RIT2: variants seen among roughly 807,000 people sequenced by gnomAD.
RIT2 encodes Ras like without CAAX 2.
Under a neutral mutation model 23.7 loss-of-function variants are expected in RIT2, and 24 were observed. The observed-to-expected ratio is 1.01, with a 90% CI of 0.73 to 1.43. RIT2 has a LOEUF of 1.43. Among genes scored for constraint, RIT2 ranks in the 40% most tolerant of loss-of-function variants. The pLI, the probability that RIT2 is intolerant of heterozygous loss-of-function variation, is 0.00. For synonymous variants in RIT2, 107 were observed against 91.1 expected, an observed-to-expected ratio of 1.17 and a Z score of -0.99; for missense variants, 236 against 266.9, an observed-to-expected ratio of 0.88 and a Z score of 0.81.
At chr18:42,767,172 C>T (rs1913443335) in intron 4 of RIT2, among the ~76,000 whole-genome samples, 1 of 152,156 alleles carries the variant, frequency 6.6e-6, no homozygotes, top group Non-Finnish European at 1.5e-5. Flanking sequence ...ATGGTATATC[C>T]ACCAACATCT....
At chr18:42,980,224 G>C (rs1181460585) in intron 2 of RIT2, among the ~76,000 whole-genome samples, 1 of 152,012 alleles carries the variant, frequency 6.6e-6, no homozygotes, top group Non-Finnish European at 1.5e-5. Flanking sequence ...CTGAAGACAG[G>C]GTACCACAAG....
intron 4 of RIT2, among the ~76,000 whole-genome samples, chr18:42,877,886 A>T (rs1463934452): frequency 6.6e-6 from 1 of 151,872 alleles, no homozygotes; most frequent in East Asian, 1.9e-4. Flanking sequence ...ATGTATATTC[A>T]GGGCAACCTA....
At chr18:42,845,417 T>C (rs1380427071) in intron 4 of RIT2, among the ~76,000 whole-genome samples, 3 of 150,558 alleles carry the variant, frequency 2.0e-5, no homozygotes, top group Non-Finnish European at 4.4e-5. Context: ...ATTTTCTATA[T>C]ATTTATGTAC....
At position 42,974,092 on chromosome 18, in the gene RIT2, G is replaced by A. The variant is rs1910424191; in HGVS notation, c.216C>T (p.Ile72=). Residue 72 remains isoleucine (I), a synonymous_variant, in exon 3 of 5, where the codon ATC becomes ATT. Coordinates refer to ENST00000326695, the MANE Select transcript of RIT2 (RefSeq NM_002930.4). ...CACCTACCTGGCCAGCAGTGTCCAA[G>A]ATGTCCAAGTAAGCTGGCTCATTGT... ...RIDNEPAYLD[I]LDTAGQAEFT... 1 of 1,611,164 alleles carries A rather than the reference G, an allele frequency of 6.2e-7. No homozygotes were observed. Among genetic ancestry groups the A allele is most frequent in the Admixed American group, 1.7e-5 (1 of 59,758 alleles).
At chr18:42,837,242 A>T (rs1331768958) in intron 4 of RIT2, among the ~76,000 whole-genome samples, 4 of 124,352 alleles carry the variant, frequency 3.2e-5, no homozygotes, top group Non-Finnish European at 4.7e-5. Context: ...ATCTCAGCTC[A>T]CTGCAAACTC....
At chr18:42,905,113 C>A (rs1454059200) in intron 4 of RIT2, among the ~76,000 whole-genome samples, 2 of 152,158 alleles carry the variant, frequency 1.3e-5, no homozygotes, top group East Asian at 3.9e-4. Flanking sequence ...AGTTTTTTCA[C>A]TTGTATTTGA....
intron 1 of RIT2, among the ~76,000 whole-genome samples, chr18:43,114,950 A>G (rs937286940): frequency 9.8e-5 from 15 of 152,308 alleles, no homozygotes; most frequent in African/African-American, 3.4e-4. Context: ...CAGATGAGGA[A>G]AAAGAACCTC....
chr18:43,073,621 G>A (rs1397431167), intron 1 of RIT2, among the ~76,000 whole-genome samples: 3 of 152,044 alleles, frequency 2.0e-5, no homozygotes, highest in Non-Finnish European at 2.9e-5. Flanking sequence ...ACATGGATTC[G>A]CTTTTGCAGA....
chr18:42,881,691 G>C (rs562065380), intron 4 of RIT2, among the ~76,000 whole-genome samples: 2 of 152,268 alleles, frequency 1.3e-5, no homozygotes, highest in East Asian at 1.9e-4. Context: ...TCAGATCTAA[G>C]AAGCATTCTC....
intron 4 of RIT2, among the ~76,000 whole-genome samples, chr18:42,875,279 G>A (rs753186538): frequency 1.6e-4 from 24 of 150,510 alleles, no homozygotes; most frequent in Non-Finnish European, 3.0e-4. Flanking sequence ...TTTACCCCTC[G>A]GGCAAGTTAC....
intron 3 of RIT2, among the ~76,000 whole-genome samples, chr18:42,944,550 G>A (rs1321520405): frequency 1.3e-5 from 2 of 152,084 alleles, no homozygotes; most frequent in African/African-American, 4.8e-5. Context: ...TCTCAATGAG[G>A]TAGGCTCTAT....
chr18:42,753,953 C>T (rs1386801601), intron 4 of RIT2, among the ~76,000 whole-genome samples: 1 of 152,196 alleles, frequency 6.6e-6, no homozygotes, highest in African/African-American at 2.4e-5. Flanking sequence ...CAAAGCAAAG[C>T]ACTGGCAAGA....
intron 2 of RIT2, among the ~76,000 whole-genome samples, chr18:42,992,565 A>G (rs1598741297): frequency 6.6e-6 from 1 of 151,830 alleles, no homozygotes; most frequent in East Asian, 1.9e-4. Flanking sequence ...CTATGTCCCA[A>G]TTCTTTCTCA....
chr18:42,868,757 G>A (rs527849523), intron 4 of RIT2, among the ~76,000 whole-genome samples: 1 of 152,180 alleles, frequency 6.6e-6, no homozygotes, highest in Non-Finnish European at 1.5e-5. Context: ...GCACAAGAAT[G>A]CCACTCTTTA....
intron 1 of RIT2, among the ~76,000 whole-genome samples, chr18:43,076,511 G>T (rs903998071): frequency 1.3e-5 from 2 of 152,064 alleles, no homozygotes; most frequent in African/African-American, 4.8e-5. Flanking sequence ...TGAGGAAAGA[G>T]GAGTGTAGGG....
At chr18:42,804,150 G>A (rs1481469958) in intron 4 of RIT2, among the ~76,000 whole-genome samples, 2 of 152,174 alleles carry the variant, frequency 1.3e-5, no homozygotes. Flanking sequence ...GATGTCCCAA[G>A]GGAAGTTTTT....
chr18:42,939,430 A>C, intron 3 of RIT2, among the ~76,000 whole-genome samples: 1 of 152,292 alleles, frequency 6.6e-6, no homozygotes, highest in South Asian at 2.1e-4. Context: ...AATATACTTT[A>C]GCAACTATAA....
intron 1 of RIT2, among the ~76,000 whole-genome samples, chr18:43,048,419 A>AAGCTTCT (rs1912301019): frequency 6.6e-6 from 1 of 152,186 alleles, no homozygotes; most frequent in South Asian, 2.1e-4. Context: ...GAAAATGGTT[A>AAGCTTCT]AGGAAACAAG....
intron 4 of RIT2, among the ~76,000 whole-genome samples, chr18:42,867,325 G>C (rs1312190107): frequency 6.6e-6 from 1 of 152,118 alleles, no homozygotes; most frequent in African/African-American, 2.4e-5. Context: ...GATTCGGTAA[G>C]CCTGGATTTG....
Sources: allele counts gnomAD v4.1 joint callset (sites outside exome capture counted in the v4.1 genomes callset), GRCh38; gene constraint gnomAD v4.1.1; transcripts MANE v1.5; gene names NCBI Gene and HGNC (gene_info 2026-07-23, HGNC 2026-07-21).